Variants in PARP4 observed in about 807,000 individuals in gnomAD.
PARP4 encodes poly(ADP-ribose) polymerase family member 4.
Under a neutral mutation model 187.7 loss-of-function variants are expected in PARP4, and 120 were observed. The observed-to-expected ratio is 0.64, with a 90% CI of 0.55 to 0.74. PARP4 has a LOEUF of 0.74. Among genes scored for constraint, PARP4 ranks in the 30% least tolerant of loss-of-function variants. The pLI is 0.00. For synonymous variants in PARP4, 654 were observed against 740.9 expected, an observed-to-expected ratio of 0.88 and a Z score of 1.90; for missense variants, 1,836 against 2,070.5, an observed-to-expected ratio of 0.89 and a Z score of 2.20.
At chr13:24,461,568 G>A (rs1039281774) in intron 17 of PARP4, among the ~76,000 whole-genome samples, 2 of 152,170 alleles carry the variant, frequency 1.3e-5, no homozygotes, top group African/African-American at 4.8e-5. Flanking sequence ...TAGAAGAATT[G>A]GGAGCTCCTG....
intron 22 of PARP4, 139 bp downstream of exon 22, chr13:24,454,878 A>C: frequency 3.3e-6 from 2 of 608,992 alleles, no homozygotes; most frequent in Non-Finnish European, 5.4e-6. Flanking sequence ...GTCCAGCTCC[A>C]GAGCTCTTGT....
At chr13:24,465,863 G>A (rs1327663206) in intron 17 of PARP4, among the ~76,000 whole-genome samples, 2 of 152,104 alleles carry the variant, frequency 1.3e-5, no homozygotes, top group Non-Finnish European at 2.9e-5. Context: ...ATATCACAAA[G>A]GATATGGGAA....
chr13:24,420,991 A>T lies in PARP4; in HGVS notation c.*128T>A. 2 of 1,212,092 alleles carry T rather than the reference A, an allele frequency of 1.7e-6. No individual in the cohort carries two copies. Among genetic ancestry groups the T allele is most frequent in the Non-Finnish European group, 2.2e-6 (2 of 927,004 alleles). The allele number at this position is 1,212,092 out of a possible 1,614,324, so 75.1% of individuals were successfully genotyped here. On this transcript the variant is annotated 3_prime_UTR_variant, in exon 34 of 34. Coordinates refer to ENST00000381989, the MANE Select transcript of PARP4 (RefSeq NM_006437.4). The stretch of plus-strand genomic sequence containing the variant: ...GATTAAAGTAATTCTTCTTCCACTT[A>T]ATTTTTAAAGACAGTAATTGCTACA...
chr13:24,435,255 T>C lies in PARP4; in HGVS notation c.3886A>G (p.Thr1296Ala), dbSNP rs1187936776. 6.2e-7 allele frequency: 1 copy of C among 1,613,706 alleles called. No homozygotes were observed. Among genetic ancestry groups the C allele is most frequent in the East Asian group, 2.2e-5 (1 of 44,894 alleles). Residue 1296 changes from threonine (T) to alanine (A), a missense_variant, in exon 31 of 34, where the codon ACA (threonine) becomes GCA (alanine). This residue lies in a region of PARP4 where 450 missense variants were observed against 439.2 expected (regional missense o/e 1.02). Coordinates refer to ENST00000381989, the MANE Select transcript of PARP4 (RefSeq NM_006437.4). ...TTCTTAAATAGTGGTTCAGTTGCTG[T>C]TGGTTTACATGACTCTGTCCAACTT... is the stretch of plus-strand genomic sequence containing the variant. ...DLSWTESCKP[T>A]ATEPLFKKVS... is the part of the protein sequence containing the mutation.
chr13:24,434,389 AC>A lies in PARP4; in HGVS notation c.4746+5del, dbSNP rs1337042723. 1 of 1,531,140 alleles carries A rather than the reference AC, an allele frequency of 6.5e-7. No homozygotes were observed. The highest frequency in any genetic ancestry group is 8.8e-7 in the Non-Finnish European group (1 of 1,139,656). 94.8% of individuals were successfully genotyped at this position (1,531,140 alleles called of 1,614,324 possible). On this transcript the variant is annotated splice_donor_5th_base_variant and intron_variant, in intron 31 of 33. Transcript: ENST00000381989. Reference sequence around the variant, plus strand: ...CCACAGATTTAAGGAGAAATAAGACACATACCTCTGTCTGTAGACTGAGGAG... The same window carrying A: ...CCACAGATTTAAGGAGAAATAAGACAATACCTCTGTCTGTAGACTGAGGAG...
chr13:24,452,529 T>C lies in PARP4; in HGVS notation c.2891A>G (p.Tyr964Cys). 1.9e-6 allele frequency: 3 copies of C among 1,614,024 alleles called. No homozygotes were observed. The highest frequency in any genetic ancestry group is 2.5e-6 in the Non-Finnish European group (3 of 1,179,956). The change falls in exon 24 of 34, where the codon TAC becomes TGC. Residue 964 changes from tyrosine (Y) to cysteine (C), a missense_variant. Around this residue, in one of 8 missense-constraint regions of PARP4, gnomAD observed 1,147 missense variants for 1,214.2 expected, o/e 0.94. Transcript: ENST00000381989. ...WKTLRYLSLL[Y>C]PARGSRNILL... ...GATGTTCCGTGACCCTCGAGCAGGGTACAATAAGCTAAGATATCGGAGTGT... is the reference window on the plus strand; with the variant it reads ...GATGTTCCGTGACCCTCGAGCAGGGCACAATAAGCTAAGATATCGGAGTGT...
intron 13 of PARP4, 73 bp from the exon 14 acceptor site, chr13:24,477,930 T>C (rs1873070896): frequency 3.3e-6 from 4 of 1,202,198 alleles, no homozygotes; most frequent in Non-Finnish European, 3.5e-6. Flanking sequence ...GATGTTTTCA[T>C]AAAAGCATGT....
chr13:24,475,448 G>T (rs768517385), intron 15 of PARP4, 24 bp downstream of exon 15: 5 of 1,605,000 alleles, frequency 3.1e-6, no homozygotes, highest in Non-Finnish European at 4.3e-6. Context: ...TAGTTTAAGT[G>T]TCATAAAGCC....
chr13:24,466,988 A>G (rs779292813), intron 17 of PARP4, among the ~76,000 whole-genome samples: 1 of 152,170 alleles, frequency 6.6e-6, no homozygotes, highest in Non-Finnish European at 1.5e-5. Context: ...AATAAAAATG[A>G]CCTAAACAAT....
At chr13:24,450,310 A>G (rs1336540137) in intron 24 of PARP4, among the ~76,000 whole-genome samples, 2 of 151,964 alleles carry the variant, frequency 1.3e-5, no homozygotes, top group Non-Finnish European at 2.9e-5. Context: ...CATTTAAATG[A>G]CAAGTGCCCT....
chr13:24,487,206 G>A (rs1469508942), intron 10 of PARP4, among the ~76,000 whole-genome samples: 5 of 150,464 alleles, frequency 3.3e-5, no homozygotes, highest in African/African-American at 1.2e-4. Context: ...GTTGCAGTGA[G>A]CCAAGATCAC....
At chr13:24,472,803 T>C (rs905631887) in intron 15 of PARP4, among the ~76,000 whole-genome samples, 17 of 152,112 alleles carry the variant, frequency 1.1e-4, no homozygotes, top group Non-Finnish European at 1.5e-5. Context: ...GACCAGTTCT[T>C]ACTCACTTGG....
chr13:24,506,516 G>C (rs1200417176), intron 1 of PARP4, among the ~76,000 whole-genome samples: 1 of 152,130 alleles, frequency 6.6e-6, no homozygotes, highest in Non-Finnish European at 1.5e-5. Context: ...GCTTTGACAG[G>C]GTGCTGATTG....
In PARP4 at chr13:24,442,162, C is replaced by T. The variant is rs1421051897; in HGVS notation, c.3544-194G>A. ...CCTCTTTACGGAGCACTGGCAGGTG[C>T]TGGCCACTGTGCTGGGCACGTTACG... is the stretch of plus-strand genomic sequence containing the variant. On this transcript the variant is annotated intron_variant, in intron 29 of 33. Coordinates refer to ENST00000381989, the MANE Select transcript of PARP4 (RefSeq NM_006437.4). 2.6e-4 allele frequency among the ~76,000 whole-genome samples: 39 copies of T among 150,944 alleles called. 1 individual carries two copies. The highest frequency in any genetic ancestry group is 8.8e-4 in the African/African-American group (36 of 41,116).
intron 20 of PARP4, among the ~76,000 whole-genome samples, chr13:24,458,342 C>G (rs998112289): frequency 5.3e-5 from 8 of 151,946 alleles, no homozygotes; most frequent in Non-Finnish European, 1.2e-4. Flanking sequence ...ATCTCCTGAC[C>G]TCGTGATCCA....
At chr13:24,441,450 G>T (rs1243955633) in intron 30 of PARP4, among the ~76,000 whole-genome samples, 1 of 152,192 alleles carries the variant, frequency 6.6e-6, no homozygotes, top group South Asian at 2.1e-4. Context: ...TATGTTTCTG[G>T]TTATAAGGGC....
chr13:24,507,256 AG>A (rs985861416), intron 1 of PARP4, among the ~76,000 whole-genome samples: 10 of 152,216 alleles, frequency 6.6e-5, no homozygotes, highest in African/African-American at 2.2e-4. Flanking sequence ...GGCGGGCTGA[AG>A]GGCTCCTCAA....
intron 30 of PARP4, among the ~76,000 whole-genome samples, chr13:24,440,775 G>T (rs1305746424): frequency 1.3e-5 from 2 of 152,170 alleles, no homozygotes; most frequent in African/African-American, 4.8e-5. Context: ...TCTACCTTTT[G>T]TGATCTTTGC....
chr13:24,454,955 C>T, intron 22 of PARP4, 62 bp downstream of exon 22: 1 of 1,381,590 alleles, frequency 7.2e-7, no homozygotes, highest in Non-Finnish European at 9.9e-7. Flanking sequence ...GTTGTCAGCT[C>T]TACAGAATGT....
Sources: gnomAD v4.1 joint callset for allele counts (sites outside exome capture counted in the v4.1 genomes callset) on GRCh38, gnomAD v4.1.1 for gene constraint, gnomAD v4.1.1 regional missense constraint, MANE v1.5 for transcripts, NCBI Gene and HGNC (gene_info 2026-07-23, HGNC 2026-07-21) for gene names.